The following HIVEP3 variants were observed in gnomAD, a reference collection of about 807,000 sequenced individuals.
The protein encoded by HIVEP3 is transcription factor HIVEP3.
In HIVEP3, 49 loss-of-function variants were observed where a neutral mutation model predicts 152.8. That is an observed-to-expected ratio of 0.32 (90% CI 0.26 to 0.41). The LOEUF is 0.41. Ranked by LOEUF, HIVEP3 falls within the 10% of genes least tolerant of loss-of-function variation. HIVEP3 has a pLI of 1.00. For missense variants in HIVEP3, 2,790 were observed against 3,103.3 expected (o/e 0.90, Z 2.40); for synonymous variants, 1,269 against 1,289.0 (o/e 0.98, Z 0.33).
At chr1:41,684,804 C>A (rs929634669) in intron 2 of HIVEP3, among the ~76,000 whole-genome samples, 2 of 152,116 alleles carry the variant, frequency 1.3e-5, no homozygotes, top group African/African-American at 4.8e-5. Context: ...TTACATGCAT[C>A]CTCTCATTTA....
intron 1 of HIVEP3, among the ~76,000 whole-genome samples, chr1:42,029,332 T>A (rs975486297): frequency 2.6e-5 from 4 of 152,164 alleles, no homozygotes; most frequent in African/African-American, 4.8e-5. Flanking sequence ...TGAAAAGCAT[T>A]TGGGCTTTGA....
chr1:41,680,579 AAC>A (rs758545073), intron 2 of HIVEP3, among the ~76,000 whole-genome samples: 4 of 152,184 alleles, frequency 2.6e-5, no homozygotes, highest in Non-Finnish European at 5.9e-5. Context: ...TGGTGCTGGA[AAC>A]ACAAACCACA....
chr1:41,847,558 T>C (rs1371250258), intron 1 of HIVEP3: 1 of 152,262 alleles, frequency 6.6e-6, no homozygotes, highest in Non-Finnish European at 1.5e-5. Flanking sequence ...CCAAAGTTTT[T>C]GTAACAAGCA....
intron 1 of HIVEP3, among the ~76,000 whole-genome samples, chr1:41,987,171 A>G (rs1645328635): frequency 6.6e-6 from 1 of 152,204 alleles, no homozygotes; most frequent in Non-Finnish European, 1.5e-5. Context: ...CAAGATAGTG[A>G]TAAATCTATA....
At chr1:41,604,699 A>G (rs548692247) in intron 3 of HIVEP3, among the ~76,000 whole-genome samples, 2 of 152,220 alleles carry the variant, frequency 1.3e-5, no homozygotes, top group African/African-American at 4.8e-5. Flanking sequence ...AAATTTCTTT[A>G]CTTTATAGAT....
At position 41,518,423 on chromosome 1, in the gene HIVEP3, C is replaced by G; in HGVS notation, c.5449G>C (p.Glu1817Gln). 6.2e-7 allele frequency: 1 copy of G among 1,614,166 alleles called. No individual in the cohort carries two copies. Among genetic ancestry groups the G allele is most frequent in the Non-Finnish European group, 8.5e-7 (1 of 1,180,004 alleles). The change falls in exon 7 of 9, where the codon GAG (glutamate) becomes CAG (glutamine). Residue 1817 changes from glutamate to glutamine, a missense_variant. Physicochemically the swap from Glu to Gln is conservative, Grantham distance 29. Around this residue, in one of 9 missense-constraint regions of HIVEP3, gnomAD observed 816 missense variants for 806.5 expected, o/e 1.01. Transcript: ENST00000372583. The stretch of plus-strand genomic sequence containing the variant: ...TTACCTTCTTCGGCTTCCAGCTCCT[C>G]CAGCACCCCTGTCTCTTGGCACTTT... Reference protein sequence around the residue: ...SKKCQETGVLEELEAEEGTSD... With the variant: ...SKKCQETGVLQELEAEEGTSD...
Position 41,853,959 on chromosome 1 carries a change from G to A in HIVEP3, c.-801+64454C>T, listed in dbSNP as rs114353473. Among the ~76,000 whole-genome samples the A allele has an allele frequency of 2.2e-3, 335 of 152,296 alleles. 4 individuals are homozygous for A. The highest frequency in any genetic ancestry group is 7.7e-3 in the African/African-American group (318 of 41,562). On this transcript the variant is annotated intron_variant, in intron 1 of 8. Transcript: ENST00000372583. ...AGAAGGCCAGAGGAGCTCACACATCGAGGAGCTGGCTTTCAAGGGATGGGG... is the reference window on the plus strand; with the variant it reads ...AGAAGGCCAGAGGAGCTCACACATCAAGGAGCTGGCTTTCAAGGGATGGGG...
chr1:41,593,226 C>T (rs747342855), intron 3 of HIVEP3, among the ~76,000 whole-genome samples: 1 of 152,192 alleles, frequency 6.6e-6, no homozygotes, highest in African/African-American at 2.4e-5. Flanking sequence ...ATCTCCCTGT[C>T]CCCACATGCC....
At chr1:41,685,771 G>A (rs1646105060) in intron 2 of HIVEP3, among the ~76,000 whole-genome samples, 1 of 152,166 alleles carries the variant, frequency 6.6e-6, no homozygotes, top group African/African-American at 2.4e-5. Context: ...GTTCCCTAAG[G>A]CACCTTCTGT....
At chr1:41,675,686 T>C (rs1280143918) in intron 2 of HIVEP3, among the ~76,000 whole-genome samples, 1 of 152,156 alleles carries the variant, frequency 6.6e-6, no homozygotes, top group African/African-American at 2.4e-5. Flanking sequence ...TGAGGTGCTG[T>C]CTCCACTCAG....
intron 1 of HIVEP3, among the ~76,000 whole-genome samples, chr1:41,754,866 G>C (rs1450093537): frequency 1.3e-5 from 2 of 152,148 alleles, no homozygotes; most frequent in East Asian, 3.8e-4. Context: ...AGCCGGGGTT[G>C]GTGTGGGTGT....
At chr1:42,035,222 A>G (rs1243460360) in intron 1 of HIVEP3, among the ~76,000 whole-genome samples, 1 of 152,240 alleles carries the variant, frequency 6.6e-6, no homozygotes, top group African/African-American at 2.4e-5. Context: ...GCTGCAATCC[A>G]GAGCTCGCTA....
intron 2 of HIVEP3, among the ~76,000 whole-genome samples, chr1:41,689,123 CTT>C (rs1459924813): frequency 1.3e-5 from 2 of 152,196 alleles, no homozygotes; most frequent in Non-Finnish European, 2.9e-5. Flanking sequence ...TCTTATTTAT[CTT>C]TGTTTCCCCA....
intron 1 of HIVEP3, among the ~76,000 whole-genome samples, chr1:41,761,406 A>G (rs559749417): frequency 7.9e-5 from 12 of 151,832 alleles, no homozygotes; most frequent in Non-Finnish European, 1.5e-4. Flanking sequence ...ATGTGTGCAC[A>G]TGCATGTGCA....
At chr1:41,778,127 G>A (rs1315897264) in intron 1 of HIVEP3, among the ~76,000 whole-genome samples, 3 of 152,150 alleles carry the variant, frequency 2.0e-5, no homozygotes, top group Non-Finnish European at 4.4e-5. Context: ...TTCATTGACC[G>A]AAAAGTTGAT....
At chr1:41,645,169 C>T (rs1268779032) in intron 2 of HIVEP3, among the ~76,000 whole-genome samples, 2 of 152,128 alleles carry the variant, frequency 1.3e-5, no homozygotes, top group African/African-American at 4.8e-5. Context: ...GCCCTTGAAT[C>T]GAATCCAGGC....
At chr1:41,938,280 A>G (rs1383788278) in intron 1 of HIVEP3, among the ~76,000 whole-genome samples, 1 of 152,194 alleles carries the variant, frequency 6.6e-6, no homozygotes, top group Non-Finnish European at 1.5e-5. Context: ...GCTGTTTAAC[A>G]TCTACCTTCT....
At chr1:41,979,478 C>G (rs113541916) in intron 1 of HIVEP3, among the ~76,000 whole-genome samples, 3,147 of 152,312 alleles carry the variant, frequency 0.021, 65 homozygotes, top group Non-Finnish European at 0.025. Context: ...GATCTGGACT[C>G]AAAAAGGCCA....
In HIVEP3 at chr1:41,508,832, C is replaced by T. The variant is rs902909902; in HGVS notation, c.*1619G>A. The T allele has an allele frequency of 1.3e-5, 2 of 152,302 alleles. No individual in the cohort carries two copies. The highest frequency in any genetic ancestry group is 2.9e-5 in the Non-Finnish European group (2 of 68,116). The allele number at this position is 152,302 out of a possible 1,614,324, so 9.4% of individuals were successfully genotyped here. ...GGACTGGGGATTAGCCAGAGAGGTC[C>T]CTGCTCTGTATAGGGTGGCATCAAA... On this transcript the variant is annotated 3_prime_UTR_variant, in exon 9 of 9. Transcript: ENST00000372583.
Sources: gnomAD v4.1 joint callset for allele counts (sites outside exome capture counted in the v4.1 genomes callset) on GRCh38, gnomAD v4.1.1 for gene constraint, gnomAD v4.1.1 regional missense constraint, MANE v1.5 for transcripts, NCBI Gene and HGNC (gene_info 2026-07-23, HGNC 2026-07-21) for gene names.